The following UNK variants were observed in gnomAD, a reference collection of about 807,000 sequenced individuals.
UNK encodes unk zinc finger.
UNK carries 32 observed loss-of-function variants against 97.6 expected under a neutral mutation model. That is an observed-to-expected ratio of 0.33 (90% CI 0.25 to 0.44). UNK has a LOEUF of 0.44. Ranked by LOEUF, UNK falls within the 20% of genes least tolerant of loss-of-function variation. The pLI is 1.00. For synonymous variants in UNK, 441 were observed against 461.2 expected, an observed-to-expected ratio of 0.96 and a Z score of 0.56; for missense variants, 771 against 1,098.4, an observed-to-expected ratio of 0.70 and a Z score of 4.21.
chr17:75,800,402 T>A (rs1424355113), intron 1 of UNK, among the ~76,000 whole-genome samples: 1 of 151,834 alleles, frequency 6.6e-6, no homozygotes, highest in Non-Finnish European at 1.5e-5. Context: ...AAAAGATATT[T>A]CGTGATGTGA....
chr17:75,821,737 G>A (rs1567810690), intron 13 of UNK: 5 of 456,382 alleles, frequency 1.1e-5, no homozygotes, highest in Non-Finnish European at 1.3e-5. Flanking sequence ...GGTCCTTCTC[G>A]GAAGCCCGGG....
intron 7 of UNK, among the ~76,000 whole-genome samples, chr17:75,815,779 G>A (rs59997503): frequency 0.026 from 3,930 of 151,064 alleles, 145 homozygotes; most frequent in African/African-American, 0.083. Flanking sequence ...CCAACTACTC[G>A]GGAGGCTGAG....
intron 1 of UNK, among the ~76,000 whole-genome samples, chr17:75,800,353 G>T (rs2061844561): frequency 6.6e-6 from 1 of 151,972 alleles, no homozygotes; most frequent in Non-Finnish European, 1.5e-5. Flanking sequence ...TTACAGGCAT[G>T]AGCCACTGTG....
At chr17:75,822,757 GC>G in intron 14 of UNK, 99 bp downstream of exon 14, 2 of 1,365,584 alleles carry the variant, frequency 1.5e-6, no homozygotes, top group Non-Finnish European at 1.9e-6. Context: ...GAAAGCGGGG[GC>G]TGGAAGAACA....
At chr17:75,812,690 G>C (rs978344688) in intron 4 of UNK, 105 bp downstream of exon 4, 1 of 1,463,954 alleles carries the variant, frequency 6.8e-7, no homozygotes. Flanking sequence ...CCGAGGCCCC[G>C]ACCTGGCCCG....
intron 1 of UNK, among the ~76,000 whole-genome samples, chr17:75,795,311 T>C (rs1164538511): frequency 1.3e-5 from 2 of 152,000 alleles, no homozygotes; most frequent in East Asian, 3.9e-4. Flanking sequence ...CAGAAAAACT[T>C]TGTGGGCTTT....
intron 1 of UNK, among the ~76,000 whole-genome samples, chr17:75,800,318 G>A (rs1324068383): frequency 6.6e-6 from 1 of 151,838 alleles, no homozygotes; most frequent in Non-Finnish European, 1.5e-5. Flanking sequence ...CGATCCACCC[G>A]CCTTGGCCTC....
chr17:75,802,282 A>C (rs1182421142), intron 1 of UNK, among the ~76,000 whole-genome samples: 1 of 96,726 alleles, frequency 1.0e-5, no homozygotes, highest in Non-Finnish European at 1.8e-5. Flanking sequence ...TTTTTGAGAC[A>C]GGGTCTCGCT....
Position 75,818,447 on chromosome 17 carries a change from C to T in UNK, c.1372-195C>T, listed in dbSNP as rs888170729. 1.3e-5 allele frequency among the ~76,000 whole-genome samples: 2 copies of T among 152,168 alleles called. No individual in the cohort carries two copies. Among genetic ancestry groups the T allele is most frequent in the African/African-American group, 4.8e-5 (2 of 41,444 alleles). On this transcript the variant is annotated intron_variant, in intron 10 of 15. Transcript: ENST00000589666. The surrounding 1 kb of genome is among the most constrained non-coding windows in gnomAD (Gnocchi z 5.1). ...CTACAGGACTGTAGGGGCGAATGGGCCTGGCAGCCTCCGCACCTCCAACTC... is the reference window on the plus strand; with the variant it reads ...CTACAGGACTGTAGGGGCGAATGGGTCTGGCAGCCTCCGCACCTCCAACTC...
chr17:75,788,930 C>T (rs570262919), intron 1 of UNK, among the ~76,000 whole-genome samples: 1 of 152,308 alleles, frequency 6.6e-6, no homozygotes, highest in South Asian at 2.1e-4. Flanking sequence ...TCTCACTCAC[C>T]ATAACAGTAA....
intron 2 of UNK, 110 bp downstream of exon 2, chr17:75,810,079 C>A: frequency 7.4e-7 from 1 of 1,351,592 alleles, no homozygotes; most frequent in Non-Finnish European, 1.0e-6. Context: ...CTGGTTGCAG[C>A]CCAGCCCATG....
At chr17:75,823,798 C>T (rs1421640543) in intron 15 of UNK, among the ~76,000 whole-genome samples, 2 of 152,188 alleles carry the variant, frequency 1.3e-5, no homozygotes, top group Non-Finnish European at 2.9e-5. Context: ...GCCCCAAATG[C>T]GTCCTCCTGT....
chr17:75,818,837 T>C lies in UNK; in HGVS notation c.1546+21T>C, dbSNP rs767443749. ...CATAGGTAACTAGGCCATTTCTGTT[T>C]GAAAGCCCAGGACTGGGTCTGGGGT... On this transcript the variant is annotated intron_variant, in intron 11 of 15. Transcript: ENST00000589666. This position sits in a 1 kb window ranked among gnomAD's most constrained non-coding sequence, Gnocchi z 5.1. The C allele has an allele frequency of 6.4e-7, 1 of 1,563,006 alleles. No homozygotes were observed.
At chr17:75,792,144 A>G in intron 1 of UNK, 1 of 918,890 alleles carries the variant, frequency 1.1e-6, no homozygotes, top group Non-Finnish European at 1.3e-6. Flanking sequence ...CCTAAAGGTA[A>G]TTTTTCTCAT....
rs2061951867 is a variant in UNK, at chr17:75,809,799, T to C, written c.144T>C (p.Phe48=). The part of the protein sequence containing the change: ...KEFRTEQCPL[F]VQHKCTQHRP... Reference sequence around the variant, plus strand: ...TCCGCACAGAGCAGTGCCCACTCTTTGTGCAACACAAATGCACGCAGCATC... The same window carrying C: ...TCCGCACAGAGCAGTGCCCACTCTTCGTGCAACACAAATGCACGCAGCATC... Residue 48 remains phenylalanine (F), a synonymous_variant, in exon 2 of 16, where the codon TTT becomes TTC. Transcript: ENST00000589666. 6.2e-7 allele frequency: 1 copy of C among 1,613,156 alleles called. No individual in the cohort carries two copies. Among genetic ancestry groups the C allele is most frequent in the African/African-American group, 1.3e-5 (1 of 75,032 alleles).
rs763953900 is a variant in UNK at position 75,785,006 on chromosome 17, C to G, written c.104+22C>G. 9.0e-5 allele frequency: 123 copies of G among 1,361,028 alleles called. 1 individual carries two copies. The highest frequency in any genetic ancestry group is 2.7e-4 in the Middle Eastern group (1 of 3,766). The allele number at this position is 1,361,028 out of a possible 1,614,324, so 84.3% of individuals were successfully genotyped here. A position where few individuals can be genotyped will look rare whatever the true frequency, so the allele number is the denominator to read the frequency against. Reference sequence around the variant, plus strand: ...ACACGTACGTAGAGCCCCCCCCCCCCCGCCGCGCGCGCACGCCTGACGTCA... The same window carrying G: ...ACACGTACGTAGAGCCCCCCCCCCCGCGCCGCGCGCGCACGCCTGACGTCA... On this transcript the variant is annotated intron_variant, in intron 1 of 15. Coordinates refer to ENST00000589666, the MANE Select transcript of UNK (RefSeq NM_001080419.3).
rs937495242 is a variant in UNK, at chr17:75,824,247, C to G, written c.2278-15C>G. The G allele has an allele frequency of 1.3e-6, 2 of 1,575,882 alleles. No homozygotes were observed. Among genetic ancestry groups the G allele is most frequent in the Non-Finnish European group, 1.7e-6 (2 of 1,159,454 alleles). On this transcript the variant is annotated splice_polypyrimidine_tract_variant and intron_variant, in intron 15 of 15. Coordinates refer to ENST00000589666, the MANE Select transcript of UNK (RefSeq NM_001080419.3). This position sits in a 1 kb window ranked among gnomAD's most constrained non-coding sequence, Gnocchi z 4.9. ...AGACCCATGGATGGTGACCACGATG[C>G]CCCTTTCCCTGCAGGCCGTGTTCCA...
In UNK at chr17:75,819,017, C is replaced by A. The variant is rs528571630; in HGVS notation, c.1546+201C>A. 3 of 553,298 alleles carry A rather than the reference C, an allele frequency of 5.4e-6. No homozygotes were observed. The highest frequency in any genetic ancestry group is 6.7e-5 in the East Asian group (2 of 29,870). 34.3% of individuals were successfully genotyped at this position (553,298 alleles called of 1,614,324 possible). A position where few individuals can be genotyped will look rare whatever the true frequency, so the allele number is the denominator to read the frequency against. On this transcript the variant is annotated intron_variant, in intron 11 of 15. Coordinates refer to ENST00000589666, the MANE Select transcript of UNK (RefSeq NM_001080419.3). This position sits in a 1 kb window ranked among gnomAD's most constrained non-coding sequence, Gnocchi z 5.4. ...AGGGCCAGGACTGACCCTTAGAGCT[C>A]CTTTGTGCAAATTAGAAAGAGGTGC...
chr17:75,807,542 G>A (rs916041350), intron 1 of UNK, among the ~76,000 whole-genome samples: 10 of 152,304 alleles, frequency 6.6e-5, no homozygotes, highest in Non-Finnish European at 1.2e-4. Flanking sequence ...TGCAACCTCC[G>A]CCTCCTGGGT....
Sources: allele counts gnomAD v4.1 joint callset (sites outside exome capture counted in the v4.1 genomes callset), GRCh38; gene constraint gnomAD v4.1.1; non-coding constraint Gnocchi (gnomAD v3.1); transcripts MANE v1.5; gene names NCBI Gene and HGNC (gene_info 2026-07-23, HGNC 2026-07-21).